The following USH2A variants were observed in gnomAD, a reference collection of about 807,000 sequenced individuals.
The protein encoded by USH2A is usherin.
In USH2A, 443 loss-of-function variants were observed where a neutral mutation model predicts 538.9. The ratio of observed to expected loss-of-function variants is 0.82; its 90% CI spans 0.76 to 0.89. The LOEUF (loss-of-function observed/expected upper bound fraction) is 0.89. Ranked by LOEUF, USH2A falls within the 40% of genes least tolerant of loss-of-function variation. The probability of loss-of-function intolerance (pLI) is 0.00; values close to 1 mark genes in which losing one functional copy is unlikely to be tolerated. For missense variants in USH2A, 6,633 were observed against 6,324.8 expected (o/e 1.05, Z -1.65); for synonymous variants, 2,413 against 2,273.5 (o/e 1.06, Z -1.75).
intron 21 of USH2A, among the ~76,000 whole-genome samples, chr1:216,166,815 T>C (rs1199017153): frequency 6.6e-6 from 1 of 152,124 alleles, no homozygotes; most frequent in Non-Finnish European, 1.5e-5. Context: ...TTTTTAATTT[T>C]CTGCTGGAGG....
rs550629280 is a variant in USH2A, at chr1:216,292,302, A to G, written c.1713T>C (p.Asn571=). 3 of 1,614,130 alleles carry G rather than the reference A, an allele frequency of 1.9e-6. No homozygotes were observed. The highest frequency in any genetic ancestry group is 1.1e-5 in the South Asian group (1 of 91,086). ...GGCTGTTGCATTGACAAGGTTTACA[A>G]TTGAAAGCGTAAACTTGATCACCTT... ...FRQGDQVYAF[N]CKPCQCNSHS... is the part of the protein sequence containing the mutation. Residue 571 remains asparagine, a synonymous_variant, in exon 10 of 72, where the codon AAT becomes AAC. Transcript: ENST00000307340.
intron 48 of USH2A, among the ~76,000 whole-genome samples, chr1:215,814,843 G>A (rs1571713642): frequency 1.3e-5 from 2 of 152,110 alleles, no homozygotes; most frequent in African/African-American, 4.8e-5. Context: ...AATTTTCACA[G>A]CCAAATCTAA....
At chr1:216,356,890 T>G (rs1393210653) in intron 4 of USH2A, among the ~76,000 whole-genome samples, 1 of 152,140 alleles carries the variant, frequency 6.6e-6, no homozygotes, top group African/African-American at 2.4e-5. Flanking sequence ...TTTGCCAGGT[T>G]ACCCCAAACT....
chr1:215,667,503 C>T (rs570686729), intron 64 of USH2A, among the ~76,000 whole-genome samples: 46 of 152,022 alleles, frequency 3.0e-4, no homozygotes, highest in Non-Finnish European at 6.0e-4. Flanking sequence ...TCAAGACTAG[C>T]CTGGCCAAGA....
rs1412716674 is a variant in USH2A at position 216,327,674 on chromosome 1, C to T, written c.785-20G>A. 1.2e-6 allele frequency: 2 copies of T among 1,612,622 alleles called. No homozygotes were observed. Among genetic ancestry groups the T allele is most frequent in the Admixed American group, 3.3e-5 (2 of 59,912 alleles). On this transcript the variant is annotated intron_variant, in intron 4 of 71. Coordinates refer to ENST00000307340, the MANE Select transcript of USH2A (RefSeq NM_206933.4). Reference sequence around the variant, plus strand: ...CTAAACCTGCAAATACACACATGTGCATAATATAAGAAGTCTCTGTTTACC... The same window carrying T: ...CTAAACCTGCAAATACACACATGTGTATAATATAAGAAGTCTCTGTTTACC...
intron 3 of USH2A, among the ~76,000 whole-genome samples, chr1:216,399,988 C>A (rs1313708272): frequency 1.3e-5 from 2 of 151,864 alleles, no homozygotes; most frequent in Non-Finnish European, 2.9e-5. Flanking sequence ...ACTACGATAC[C>A]CAAAACATCC....
rs755107631 is a variant in USH2A, at chr1:215,741,439, T to C, written c.11647A>G (p.Ile3883Val). 5 of 1,614,074 alleles carry C rather than the reference T, an allele frequency of 3.1e-6. No homozygotes were observed. The change falls in exon 60 of 72, where the codon ATA becomes GTA. Residue 3883 changes from isoleucine to valine, a missense_variant. Ile to Val is a conservative substitution (Grantham distance 29, BLOSUM62 3). Transcript: ENST00000307340. ...PVLKALGSACIEIKWMPPEKP... is the reference protein window; with the variant it reads ...PVLKALGSACVEIKWMPPEKP... ...TCAGGTGGCATCCACTTAATCTCTATGCAAGCTGACCCCAGTGCCTTAAGA... is the reference window on the plus strand; with the variant it reads ...TCAGGTGGCATCCACTTAATCTCTACGCAAGCTGACCCCAGTGCCTTAAGA...
intron 58 of USH2A, among the ~76,000 whole-genome samples, chr1:215,747,459 A>G (rs1174306895): frequency 2.0e-5 from 3 of 152,222 alleles, no homozygotes; most frequent in East Asian, 3.9e-4. Context: ...ACTGCTCTCA[A>G]CAAGACTGCA....
At position 216,056,947 on chromosome 1, in the gene USH2A, C is replaced by T. The variant is rs181705452; in HGVS notation, c.6050-8300G>A. On this transcript the variant is annotated intron_variant, in intron 30 of 71. Transcript: ENST00000307340. ...CTGGCTGTGCATTCTTCTTCTTTATCAACTATGATTGATAACCTTGAAGTA... is the reference window on the plus strand; with the variant it reads ...CTGGCTGTGCATTCTTCTTCTTTATTAACTATGATTGATAACCTTGAAGTA... 7.8e-4 allele frequency among the ~76,000 whole-genome samples: 118 copies of T among 152,246 alleles called. 1 individual carries two copies. The Middle Eastern group carries it at 0.014, about 18-fold the overall frequency.
chr1:216,076,454 A>G (rs150080638), intron 27 of USH2A, among the ~76,000 whole-genome samples: 46 of 152,220 alleles, frequency 3.0e-4, no homozygotes, highest in Non-Finnish European at 5.3e-4. Context: ...AGGACCATCA[A>G]TAGTAATGGG....
intron 27 of USH2A, 144 bp from the exon 28 acceptor site, chr1:216,073,444 T>A (rs1404520261): frequency 4.9e-6 from 4 of 814,880 alleles, no homozygotes; most frequent in Non-Finnish European, 8.0e-6. Context: ...TTGGAAAACC[T>A]TTTATGCCTC....
chr1:216,155,357 G>C (rs960590804), intron 21 of USH2A, among the ~76,000 whole-genome samples: 1 of 152,150 alleles, frequency 6.6e-6, no homozygotes, highest in African/African-American at 2.4e-5. Context: ...AATGTGGTCA[G>C]AGGTCACAAG....
At position 216,319,274 on chromosome 1, in the gene USH2A, G is replaced by A. The variant is rs939282455; in HGVS notation, c.1644+2609C>T. Among the ~76,000 whole-genome samples the A allele has an allele frequency of 9.9e-4, 150 of 152,210 alleles. 1 individual carries two copies. The highest frequency in any genetic ancestry group is 3.5e-3 in the African/African-American group (144 of 41,538). On this transcript the variant is annotated intron_variant, in intron 9 of 71. Transcript: ENST00000307340. ...ACAGTAGAAAAATATAATAAATGTT[G>A]CTTTAACTTTAAAATCTAGAACAAA...
At position 215,750,052 on chromosome 1, in the gene USH2A, C is replaced by A. The variant is rs1011395871; in HGVS notation, c.11390-6717G>T. 4.6e-5 allele frequency among the ~76,000 whole-genome samples: 7 copies of A among 152,152 alleles called. No homozygotes were observed. In the East Asian group the frequency reaches 7.7e-4, roughly 17 times the overall value. On this transcript the variant is annotated intron_variant, in intron 58 of 71. Coordinates refer to ENST00000307340, the MANE Select transcript of USH2A (RefSeq NM_206933.4). ...CAATGGGACAAGTCAATCAATAATC[C>A]TTTTTAAGTCTTTTTTTAGGAGCTG...
At chr1:216,158,747 CA>C (rs1320957551) in intron 21 of USH2A, among the ~76,000 whole-genome samples, 11 of 152,198 alleles carry the variant, frequency 7.2e-5, no homozygotes, top group Non-Finnish European at 1.5e-4. Flanking sequence ...TAAATTTTTA[CA>C]GAAATCCTGG....
chr1:215,897,809 A>AAGAAAGAAAG (rs1297306653), intron 40 of USH2A, among the ~76,000 whole-genome samples: 1 of 152,012 alleles, frequency 6.6e-6, no homozygotes, highest in Non-Finnish European at 1.5e-5. Context: ...ACAAAGAAAG[A>AAGAAAGAAAG]AGAAAGAAAG....
In USH2A at chr1:216,176,190, G is replaced by A. The variant is rs143762206; in HGVS notation, c.4397-708C>T. On this transcript the variant is annotated intron_variant, in intron 20 of 71. Transcript: ENST00000307340. ...GTTTTTGATTGCTCCTGTGGAGCAC[G>A]GCTACACCATAGGCAATGTGCCAGG... 1.7e-3 allele frequency among the ~76,000 whole-genome samples: 259 copies of A among 152,080 alleles called. 1 individual carries two copies. The highest frequency in any genetic ancestry group is 5.8e-3 in the African/African-American group (242 of 41,516).
chr1:216,206,358 T>C (rs2035111199), intron 16 of USH2A, among the ~76,000 whole-genome samples: 1 of 152,132 alleles, frequency 6.6e-6, no homozygotes, highest in Admixed American at 6.5e-5. Context: ...GGACCCAGGA[T>C]GGGAAGGTGA....
chr1:215,997,473 G>A (rs1329298311), intron 34 of USH2A, among the ~76,000 whole-genome samples: 2 of 152,146 alleles, frequency 1.3e-5, no homozygotes, highest in Non-Finnish European at 2.9e-5. Context: ...GTGAGGTTAA[G>A]TGAATTTGCC....
Sources: gnomAD v4.1 joint callset for allele counts (sites outside exome capture counted in the v4.1 genomes callset) on GRCh38, gnomAD v4.1.1 for gene constraint, MANE v1.5 for transcripts, NCBI Gene and HGNC (gene_info 2026-07-23, HGNC 2026-07-21) for gene names.